Variants in INO80 observed in about 807,000 individuals in gnomAD.
INO80 encodes chromatin-remodeling ATPase INO80.
INO80 carries 20 observed loss-of-function variants against 203.4 expected under a neutral mutation model. The ratio of observed to expected loss-of-function variants is 0.10; its 90% CI spans 0.07 to 0.14. The LOEUF is 0.14. Among genes scored for constraint, INO80 ranks in the 10% least tolerant of loss-of-function variants. INO80 has a pLI of 1.00. For synonymous variants in INO80, 726 were observed against 685.2 expected (o/e 1.06, Z -0.93); for missense variants, 1,419 against 1,914.4 (o/e 0.74, Z 4.83).
At chr15:41,071,767 T>C (rs2045322082) in intron 12 of INO80, 82 bp downstream of exon 12, 2 of 1,295,688 alleles carry the variant, frequency 1.5e-6, no homozygotes, top group Admixed American at 1.8e-5. Flanking sequence ...AGCCAGATCT[T>C]GTACTCATTT....
At chr15:40,985,459 T>G in intron 31 of INO80, 33 bp from the exon 32 acceptor site, 434 of 1,309,592 alleles carry the variant, frequency 3.3e-4, no homozygotes, top group Non-Finnish European at 4.4e-4. Context: ...CCTGATGAAG[T>G]ACCTGTGGTA....
chr15:40,984,386 G>A (rs945883791), intron 32 of INO80, 34 bp from the exon 33 acceptor site: 17 of 1,599,522 alleles, frequency 1.1e-5, no homozygotes, highest in Non-Finnish European at 1.5e-5. Context: ...GAAAACGTGT[G>A]AGGATGCACC....
intron 26 of INO80, among the ~76,000 whole-genome samples, chr15:41,020,554 C>T (rs765946576): frequency 4.6e-5 from 7 of 152,066 alleles, no homozygotes; most frequent in South Asian, 2.1e-4. Flanking sequence ...CTGTGAGTGA[C>T]GACATTCTCA....
At chr15:41,103,476 G>A (rs957100010) in intron 1 of INO80, among the ~76,000 whole-genome samples, 15 of 152,072 alleles carry the variant, frequency 9.9e-5, no homozygotes, top group Admixed American at 5.9e-4. Context: ...TGCAACCTCC[G>A]CCTCCCTGGC....
chr15:41,066,224 T>G (rs1295107823), intron 14 of INO80, among the ~76,000 whole-genome samples: 4 of 152,036 alleles, frequency 2.6e-5, no homozygotes, highest in Non-Finnish European at 5.9e-5. Flanking sequence ...GTGACCCCCC[T>G]GCCTCAGCCT....
At chr15:41,033,333 CA>C (rs1257096226) in intron 24 of INO80, among the ~76,000 whole-genome samples, 1 of 150,068 alleles carries the variant, frequency 6.7e-6, no homozygotes, top group Non-Finnish European at 1.5e-5. Flanking sequence ...CTGCCTGAAT[CA>C]GAATTTTTTT....
chr15:40,986,247 C>G (rs1477629400), intron 31 of INO80, among the ~76,000 whole-genome samples: 1 of 151,214 alleles, frequency 6.6e-6, no homozygotes, highest in Non-Finnish European at 1.5e-5. Flanking sequence ...CTTCCTTGTG[C>G]AAGCTACATT....
chr15:41,052,917 C>T (rs2044908105), intron 19 of INO80, among the ~76,000 whole-genome samples: 1 of 151,474 alleles, frequency 6.6e-6, no homozygotes, highest in Non-Finnish European at 1.5e-5. Context: ...CCTGTAGTCC[C>T]AGCTACTTGG....
chr15:41,094,284 T>C lies in INO80; in HGVS notation c.381+1317A>G, dbSNP rs1016593639. On this transcript the variant is annotated intron_variant, in intron 4 of 35. Coordinates refer to ENST00000648947, the MANE Select transcript of INO80 (RefSeq NM_017553.3). The stretch of plus-strand genomic sequence containing the variant: ...AGTCTTGTAACTTCATCTTCCACCA[T>C]CCTCCTCATTCACTGTGCTCTAGCC... Among the ~76,000 whole-genome samples the C allele has an allele frequency of 2.6e-5, 4 of 152,132 alleles. No homozygotes were observed. The South Asian group carries it at 6.2e-4, about 24-fold the overall frequency.
intron 24 of INO80, among the ~76,000 whole-genome samples, chr15:41,034,910 T>C (rs2044546028): frequency 6.6e-6 from 1 of 152,096 alleles, no homozygotes; most frequent in South Asian, 2.1e-4. Flanking sequence ...TAATTAAAGT[T>C]ACATAATCAG....
chr15:41,073,797 G>C (rs2045359997), intron 10 of INO80, among the ~76,000 whole-genome samples: 1 of 151,988 alleles, frequency 6.6e-6, no homozygotes, highest in Non-Finnish European at 1.5e-5. Context: ...AGACAATCAG[G>C]ATTCAAAATT....
At chr15:41,046,206 C>CATACAT (rs1268610100) in intron 23 of INO80, among the ~76,000 whole-genome samples, 7 of 14,416 alleles carry the variant, frequency 4.9e-4, no homozygotes, top group African/African-American at 1.6e-3. Flanking sequence ...CGTATACATA[C>CATACAT]ATATATATAT....
chr15:40,998,983 T>TACACACACACAC (rs10650860), intron 28 of INO80, among the ~76,000 whole-genome samples: 5,469 of 140,320 alleles, frequency 0.039, 164 homozygotes, highest in South Asian at 0.096. Context: ...AAGATTTATC[T>TACACACACACAC]ACACACACAC....
intron 18 of INO80, 86 bp from the exon 19 acceptor site, chr15:41,054,100 A>G: frequency 1.1e-6 from 1 of 943,796 alleles, no homozygotes; most frequent in Non-Finnish European, 1.6e-6. Context: ...CCTCTCACCA[A>G]ACTCTTCAAA....
chr15:41,026,116 C>T (rs1157509535), intron 25 of INO80, among the ~76,000 whole-genome samples: 2 of 152,174 alleles, frequency 1.3e-5, no homozygotes, highest in African/African-American at 4.8e-5. Context: ...AGGCAGGAGT[C>T]AACAGGATTC....
At chr15:41,066,469 G>T (rs1359844441) in intron 14 of INO80, among the ~76,000 whole-genome samples, 1 of 151,834 alleles carries the variant, frequency 6.6e-6, no homozygotes, top group African/African-American at 2.4e-5. Flanking sequence ...TTTTTAAATA[G>T]TTAAAATGGT....
At chr15:40,989,039 TGTG>T (rs2043781452) in intron 29 of INO80, among the ~76,000 whole-genome samples, 1 of 147,860 alleles carries the variant, frequency 6.8e-6, no homozygotes, top group African/African-American at 2.5e-5. Context: ...ATTAGCCAGG[TGTG>T]GTGGCAGGCA....
chr15:41,068,280 T>C (rs1229351523), intron 14 of INO80, among the ~76,000 whole-genome samples: 2 of 151,974 alleles, frequency 1.3e-5, no homozygotes, highest in Admixed American at 6.6e-5. Context: ...ATGGGCTGGA[T>C]GGAGTGGCTC....
chr15:41,099,778 CA>C (rs77343650), intron 1 of INO80, among the ~76,000 whole-genome samples: 1,760 of 134,690 alleles, frequency 0.013, 24 homozygotes, highest in Non-Finnish European at 0.02. Context: ...TGAGACTATC[CA>C]AAAAAAAAAA....
Sources: allele counts gnomAD v4.1 joint callset (sites outside exome capture counted in the v4.1 genomes callset), GRCh38; gene constraint gnomAD v4.1.1; transcripts MANE v1.5; gene names NCBI Gene and HGNC (gene_info 2026-07-23, HGNC 2026-07-21).